PDE1C: variants seen among roughly 807,000 people sequenced by gnomAD.
The protein encoded by PDE1C is phosphodiesterase 1C, also known as dual specificity calcium/calmodulin-dependent 3',5'-cyclic nucleotide phosphodiesterase 1C.
PDE1C carries 62 observed loss-of-function variants against 93.1 expected under a neutral mutation model. The observed-to-expected ratio is 0.67, with a 90% CI of 0.54 to 0.82. The LOEUF (loss-of-function observed/expected upper bound fraction) is 0.82, where lower values mean the gene tolerates loss of function less well. PDE1C is among the 40% of genes least tolerant of loss of function. The pLI is 0.00. For synonymous variants in PDE1C, 325 were observed against 310.1 expected, an observed-to-expected ratio of 1.05 and a Z score of -0.50; for missense variants, 742 against 884.6, an observed-to-expected ratio of 0.84 and a Z score of 2.04.
intron 1 of PDE1C, among the ~76,000 whole-genome samples, chr7:32,327,769 CAAAAAAAAA>C (rs34543961): frequency 9.5e-6 from 1 of 104,802 alleles, no homozygotes; most frequent in Non-Finnish European, 1.9e-5. Flanking sequence ...GACTCTGTCT[CAAAAAAAAA>C]AAAAAAAAAA....
At chr7:31,962,514 AC>A (rs757019480) in intron 2 of PDE1C, among the ~76,000 whole-genome samples, 18 of 152,204 alleles carry the variant, frequency 1.2e-4, no homozygotes, top group Non-Finnish European at 2.4e-4. Flanking sequence ...AAATGGAAGG[AC>A]TGGGCAGGAG....
intron 1 of PDE1C, among the ~76,000 whole-genome samples, chr7:32,341,275 A>G (rs111752434): frequency 0.017 from 2,212 of 133,674 alleles, 58 homozygotes; most frequent in African/African-American, 0.057. Context: ...TCCCGGGTTC[A>G]CGCCATTCTC....
intron 1 of PDE1C, among the ~76,000 whole-genome samples, chr7:32,308,355 G>A (rs940996602): frequency 1.3e-5 from 2 of 152,238 alleles, no homozygotes; most frequent in Admixed American, 6.5e-5. Flanking sequence ...AGACTTAAAT[G>A]TCCCTGTCTG....
At chr7:31,698,581 T>C in the PDE1C span, among the ~76,000 whole-genome samples, 1 of 152,208 alleles carries the variant, frequency 6.6e-6, no homozygotes, top group Non-Finnish European at 1.5e-5. Context: ...GTTTAGGACA[T>C]GCAGAAGTCT....
intron 1 of PDE1C, among the ~76,000 whole-genome samples, chr7:32,359,492 G>T (rs1372357645): frequency 6.6e-6 from 1 of 152,132 alleles, no homozygotes; most frequent in Non-Finnish European, 1.5e-5. Context: ...AGGAGACTTT[G>T]CCTGCCTTGT....
chr7:32,178,609 A>C (rs1451521560), intron 2 of PDE1C, among the ~76,000 whole-genome samples: 1 of 152,192 alleles, frequency 6.6e-6, no homozygotes, highest in Admixed American at 6.5e-5. Flanking sequence ...GCTCAGGTGC[A>C]GGAGGTGAGC....
intron 17 of PDE1C, among the ~76,000 whole-genome samples, chr7:31,771,646 A>T (rs116813958): frequency 0.032 from 4,833 of 151,992 alleles, 220 homozygotes; most frequent in African/African-American, 0.11. Context: ...CCCTTATCCC[A>T]ATATATAATT....
At chr7:31,652,181 C>A in the PDE1C span, 1 of 760,168 alleles carries the variant, frequency 1.3e-6, no homozygotes, top group Non-Finnish European at 2.2e-6. Context: ...TTTAAGTATA[C>A]AGAGAAGTAC....
intron 13 of PDE1C, among the ~76,000 whole-genome samples, chr7:31,824,056 T>G (rs1459276112): frequency 1.3e-5 from 2 of 152,014 alleles, no homozygotes; most frequent in African/African-American, 4.8e-5. Context: ...ATCCCTGGGG[T>G]CCCCTGTCCT....
chr7:32,121,692 G>C (rs1472580973), intron 3 of PDE1C, among the ~76,000 whole-genome samples: 1 of 152,100 alleles, frequency 6.6e-6, no homozygotes, highest in Non-Finnish European at 1.5e-5. Context: ...GTCACCACCA[G>C]GCCTGCCTTG....
At chr7:31,819,115 T>C (rs1325734730) in intron 14 of PDE1C, among the ~76,000 whole-genome samples, 1 of 152,150 alleles carries the variant, frequency 6.6e-6, no homozygotes, top group African/African-American at 2.4e-5. Flanking sequence ...CCTATCCTAC[T>C]GTATGATTTC....
intron 2 of PDE1C, among the ~76,000 whole-genome samples, chr7:32,182,309 A>G (rs1404784357): frequency 1.3e-5 from 2 of 152,260 alleles, no homozygotes; most frequent in African/African-American, 4.8e-5. Context: ...TGAAGCCAGC[A>G]TTATCCTGAT....
the PDE1C span, among the ~76,000 whole-genome samples, chr7:31,737,929 A>G: frequency 6.6e-6 from 1 of 152,130 alleles, no homozygotes; most frequent in Non-Finnish European, 1.5e-5. Flanking sequence ...GGACTGTTAT[A>G]TAGGTTAAAT....
intron 3 of PDE1C, among the ~76,000 whole-genome samples, chr7:32,076,874 T>C (rs931058755): frequency 6.6e-6 from 1 of 150,930 alleles, no homozygotes; most frequent in Admixed American, 6.6e-5. Flanking sequence ...AGAGTTATGT[T>C]ACTGACAACT....
At chr7:31,637,758 A>G in the PDE1C span, among the ~76,000 whole-genome samples, 3 of 152,164 alleles carry the variant, frequency 2.0e-5, no homozygotes, top group African/African-American at 7.2e-5. Flanking sequence ...CCATTTGTCA[A>G]TTTTGGCTTT....
intron 2 of PDE1C, among the ~76,000 whole-genome samples, chr7:32,198,956 A>G (rs1804809137): frequency 6.7e-6 from 1 of 149,318 alleles, no homozygotes; most frequent in Admixed American, 6.7e-5. Flanking sequence ...GTCTCTACTG[A>G]AAAAAAAAAT....
At chr7:32,181,141 C>A (rs1803380389) in intron 2 of PDE1C, among the ~76,000 whole-genome samples, 1 of 152,156 alleles carries the variant, frequency 6.6e-6, no homozygotes, top group African/African-American at 2.4e-5. Context: ...CACCCAGATT[C>A]ATAAAGCAAG....
chr7:31,929,847 T>C (rs1358343831), intron 2 of PDE1C, among the ~76,000 whole-genome samples: 1 of 151,974 alleles, frequency 6.6e-6, no homozygotes, highest in African/African-American at 2.4e-5. Context: ...AGATTTAATA[T>C]CACAATTAAA....
intron 2 of PDE1C, among the ~76,000 whole-genome samples, chr7:31,898,357 G>A (rs921060775): frequency 2.0e-5 from 3 of 151,972 alleles, no homozygotes; most frequent in Middle Eastern, 3.2e-3. Flanking sequence ...ATTGTATCAT[G>A]TATCCATAGA....
Sources: gnomAD v4.1 joint callset for allele counts (sites outside exome capture counted in the v4.1 genomes callset) on GRCh38, gnomAD v4.1.1 for gene constraint, MANE v1.5 for transcripts, NCBI Gene and HGNC (gene_info 2026-07-23, HGNC 2026-07-21) for gene names.